FAM227B: variants seen among roughly 807,000 people sequenced by gnomAD.
FAM227B encodes family with sequence similarity 227 member B.
Under a neutral mutation model 73.8 loss-of-function variants are expected in FAM227B, and 88 were observed. The observed-to-expected ratio is 1.19, with a 90% confidence interval of 1.00 to 1.42. FAM227B has a LOEUF of 1.42. Ranked by LOEUF, FAM227B falls within the 40% of genes most tolerant of loss-of-function variation. The probability of loss-of-function intolerance (pLI) is 0.00; values close to 1 mark genes in which losing one functional copy is unlikely to be tolerated. For synonymous variants in FAM227B, 210 were observed against 190.5 expected (o/e 1.10, Z -0.84); for missense variants, 632 against 590.9 (o/e 1.07, Z -0.72).
chr15:49,462,552 A>T (rs954616154), intron 11 of FAM227B, among the ~76,000 whole-genome samples: 1 of 152,172 alleles, frequency 6.6e-6, no homozygotes, highest in Non-Finnish European at 1.5e-5. Context: ...TCTTTCATTC[A>T]TTGTGCATGA....
At chr15:49,331,594 G>A in intron 15 of FAM227B, 186 bp downstream of exon 15, 1 of 537,896 alleles carries the variant, frequency 1.9e-6, no homozygotes, top group Non-Finnish European at 3.3e-6. Flanking sequence ...GTGAACATGA[G>A]TTGTCACTAA....
In FAM227B at chr15:49,602,112, C is replaced by T. The variant is rs116984303; in HGVS notation, c.105+9103G>A. Reference sequence around the variant, plus strand: ...CAGTGCTGCAACAAACCTGGGAGTGCAGATATCTCTTTGACATACTGATTT... The same window carrying T: ...CAGTGCTGCAACAAACCTGGGAGTGTAGATATCTCTTTGACATACTGATTT... On this transcript the variant is annotated intron_variant, in intron 3 of 15. Transcript: ENST00000299338. Among the ~76,000 whole-genome samples, 32 of 152,276 alleles carry T rather than the reference C, an allele frequency of 2.1e-4. No individual in the cohort carries two copies. The East Asian group carries it at 5.2e-3, about 25-fold the overall frequency.
chr15:49,504,431 A>AC (rs1490475504), intron 11 of FAM227B, among the ~76,000 whole-genome samples: 1 of 133,216 alleles, frequency 7.5e-6, no homozygotes, highest in Admixed American at 7.8e-5. Flanking sequence ...ATAATAAAAA[A>AC]AAAGAAAAGA....
chr15:49,391,605 C>G (rs2047216273), intron 11 of FAM227B, among the ~76,000 whole-genome samples: 1 of 152,044 alleles, frequency 6.6e-6, no homozygotes, highest in Non-Finnish European at 1.5e-5. Context: ...GTAATGCCCA[C>G]AGGTCAAACC....
At chr15:49,589,728 C>T in intron 4 of FAM227B, 48 bp downstream of exon 4, 1 of 1,181,834 alleles carries the variant, frequency 8.5e-7, no homozygotes, top group South Asian at 1.3e-5. Context: ...GCCTGGGAAA[C>T]ATAGTGAGAC....
intron 3 of FAM227B, among the ~76,000 whole-genome samples, chr15:49,610,267 A>G (rs1179047867): frequency 6.6e-6 from 1 of 151,960 alleles, no homozygotes; most frequent in East Asian, 1.9e-4. Context: ...ATTAGGCTGC[A>G]GCACATTTGC....
rs200846163 is a variant in FAM227B, at chr15:49,353,611, A to AG, written c.1271+13836dup. On this transcript the variant is annotated intron_variant, in intron 13 of 15. Coordinates refer to ENST00000299338, the MANE Select transcript of FAM227B (RefSeq NM_152647.3). Reference sequence around the variant, plus strand: ...CAATTTTTGAAGTTGAAGGAAAATAAGGGTTTTTTTTTTTTTTTGTAAAAT... The same window carrying AG: ...CAATTTTTGAAGTTGAAGGAAAATAAGGGGTTTTTTTTTTTTTTTGTAAAAT... The AG allele has an allele frequency of 4.2e-3, 586 of 139,244 alleles. 5 individuals are homozygous for AG. The highest frequency in any genetic ancestry group is 0.016 in the African/African-American group (552 of 35,450). 8.6% of individuals were successfully genotyped at this position (139,244 alleles called of 1,614,324 possible). A position where few individuals can be genotyped will look rare whatever the true frequency, so the allele number is the denominator to read the frequency against.
intron 11 of FAM227B, among the ~76,000 whole-genome samples, chr15:49,494,761 G>A (rs967859352): frequency 6.6e-6 from 1 of 152,034 alleles, no homozygotes; most frequent in Admixed American, 6.5e-5. Flanking sequence ...TTATGTATCC[G>A]AAGCTCCTTT....
chr15:49,414,465 G>T (rs1597031079), intron 11 of FAM227B, among the ~76,000 whole-genome samples: 1 of 152,166 alleles, frequency 6.6e-6, no homozygotes, highest in African/African-American at 2.4e-5. Flanking sequence ...TTTGGGGGAT[G>T]TTGAGGATCA....
intron 11 of FAM227B, among the ~76,000 whole-genome samples, chr15:49,401,399 G>T (rs1437748290): frequency 1.3e-5 from 2 of 151,880 alleles, no homozygotes; most frequent in Non-Finnish European, 2.9e-5. Flanking sequence ...TTACACTGTT[G>T]GTGGGACTGT....
At chr15:49,475,703 C>G (rs1349670867) in intron 11 of FAM227B, among the ~76,000 whole-genome samples, 1 of 151,980 alleles carries the variant, frequency 6.6e-6, no homozygotes, top group African/African-American at 2.4e-5. Context: ...AAATTTACAG[C>G]TGGGGCGGGC....
chr15:49,554,020 T>C (rs1055771957), intron 9 of FAM227B, among the ~76,000 whole-genome samples: 2 of 152,190 alleles, frequency 1.3e-5, no homozygotes, highest in African/African-American at 4.8e-5. Flanking sequence ...GTGATAATGT[T>C]GCCAGGATTG....
chr15:49,392,092 G>A (rs764053271), intron 11 of FAM227B, among the ~76,000 whole-genome samples: 2 of 152,008 alleles, frequency 1.3e-5, no homozygotes, highest in Non-Finnish European at 2.9e-5. Context: ...CAAATGAGAT[G>A]ATAAAACATA....
chr15:49,537,166 T>C (rs1311718397), intron 10 of FAM227B, among the ~76,000 whole-genome samples: 2 of 152,094 alleles, frequency 1.3e-5, no homozygotes, highest in African/African-American at 2.4e-5. Flanking sequence ...ACAAATAATA[T>C]TACTACTATC....
intron 3 of FAM227B, among the ~76,000 whole-genome samples, chr15:49,593,276 A>G (rs1366222720): frequency 6.6e-6 from 1 of 152,178 alleles, no homozygotes; most frequent in African/African-American, 2.4e-5. Context: ...CCAATCACAC[A>G]GGAGCTGTAG....
chr15:49,597,797 C>T (rs1431004280), intron 3 of FAM227B, among the ~76,000 whole-genome samples: 1 of 151,930 alleles, frequency 6.6e-6, no homozygotes, highest in Non-Finnish European at 1.5e-5. Context: ...GATATTACAA[C>T]TGATAACACA....
chr15:49,372,737 GTTTGT>G (rs1241833051), intron 11 of FAM227B, among the ~76,000 whole-genome samples: 1 of 152,102 alleles, frequency 6.6e-6, no homozygotes, highest in Non-Finnish European at 1.5e-5. Flanking sequence ...GATCTGAGAG[GTTTGT>G]TCTAGACTCT....
At chr15:49,372,403 A>G (rs2045905456) in intron 11 of FAM227B, among the ~76,000 whole-genome samples, 1 of 152,304 alleles carries the variant, frequency 6.6e-6, no homozygotes, top group Admixed American at 6.5e-5. Context: ...TGTTTAAGCT[A>G]CTATTTACTA....
chr15:49,431,775 A>G (rs964171130), intron 11 of FAM227B, among the ~76,000 whole-genome samples: 1 of 151,820 alleles, frequency 6.6e-6, no homozygotes, highest in Non-Finnish European at 1.5e-5. Context: ...TCTTCTGTAA[A>G]CTTAAAATGA....
Sources: gnomAD v4.1 joint callset for allele counts (sites outside exome capture counted in the v4.1 genomes callset) on GRCh38, gnomAD v4.1.1 for gene constraint, MANE v1.5 for transcripts, NCBI Gene and HGNC (gene_info 2026-07-23, HGNC 2026-07-21) for gene names.